USP34: variants seen among roughly 807,000 people sequenced by gnomAD.
USP34 encodes the protein ubiquitin carboxyl-terminal hydrolase 34.
USP34 carries 70 observed loss-of-function variants against 460.3 expected under a neutral mutation model. That is an observed-to-expected ratio of 0.15 (90% CI 0.13 to 0.19). The LOEUF (loss-of-function observed/expected upper bound fraction) is 0.19, where lower values mean the gene tolerates loss of function less well. Ranked by LOEUF, USP34 falls within the 10% of genes least tolerant of loss-of-function variation. USP34 has a pLI of 1.00. For missense variants in USP34, 3,985 were observed against 4,236.2 expected, an observed-to-expected ratio of 0.94 and a Z score of 1.65; for synonymous variants, 1,647 against 1,405.3, an observed-to-expected ratio of 1.17 and a Z score of -3.85.
rs1360276408 is a variant in USP34 at position 61,193,192 on chromosome 2, C to T, written c.9509-212G>A. 9.8e-6 allele frequency: 4 copies of T among 408,468 alleles called. No homozygotes were observed. In the South Asian group the frequency reaches 1.8e-4, roughly 18 times the overall value. 25.3% of individuals were successfully genotyped at this position (408,468 alleles called of 1,614,324 possible). ...ATTTATTTATATCCTATACCTCATT[C>T]CTGAAGGATATGGGACTTAAATCAA... On this transcript the variant is annotated intron_variant, in intron 75 of 79. Coordinates refer to ENST00000398571, the MANE Select transcript of USP34 (RefSeq NM_014709.4).
At chr2:61,335,837 T>A (rs1691399591) in intron 18 of USP34, among the ~76,000 whole-genome samples, 1 of 152,164 alleles carries the variant, frequency 6.6e-6, no homozygotes, top group Non-Finnish European at 1.5e-5. Context: ...GCACTAGTTG[T>A]TTGATTTATT....
At chr2:61,408,124 A>C (rs1693935261) in intron 2 of USP34, among the ~76,000 whole-genome samples, 1 of 152,158 alleles carries the variant, frequency 6.6e-6, no homozygotes, top group African/African-American at 2.4e-5. Flanking sequence ...CAAAAAAATA[A>C]AAAATAAATA....
In USP34 at chr2:61,220,591, C is replaced by T. The variant is rs2103807743; in HGVS notation, c.7900-134G>A. ...AATTAGAGATTAAAAAGGTTTCACC[C>T]TATTTTTTTCCCATTTTTAAAGCTA... On this transcript the variant is annotated intron_variant, in intron 66 of 79. Coordinates refer to ENST00000398571, the MANE Select transcript of USP34 (RefSeq NM_014709.4). 3.6e-6 allele frequency: 3 copies of T among 843,548 alleles called. No homozygotes were observed. The East Asian group carries it at 9.0e-5, about 25-fold the overall frequency. The allele number at this position is 843,548 out of a possible 1,614,324, so 52.3% of individuals were successfully genotyped here. A position where few individuals can be genotyped will look rare whatever the true frequency, so the allele number is the denominator to read the frequency against.
At chr2:61,365,309 A>ATGTG (rs34664941) in intron 10 of USP34, among the ~76,000 whole-genome samples, 19 of 147,950 alleles carry the variant, frequency 1.3e-4, no homozygotes, top group Middle Eastern at 3.4e-3. Context: ...TTATTTATAA[A>ATGTG]TGTGTGTGTG....
At chr2:61,429,755 T>C (rs1694613039) in intron 1 of USP34, among the ~76,000 whole-genome samples, 1 of 152,166 alleles carries the variant, frequency 6.6e-6, no homozygotes, top group Admixed American at 6.5e-5. Flanking sequence ...CAACCAGATG[T>C]AAGTAGTACA....
At chr2:61,407,941 C>A (rs1206599292) in intron 2 of USP34, among the ~76,000 whole-genome samples, 1 of 151,898 alleles carries the variant, frequency 6.6e-6, no homozygotes, top group African/African-American at 2.4e-5. Context: ...ATGGTGAAAC[C>A]CCATCTCTAC....
At chr2:61,325,961 T>C (rs559690101) in intron 20 of USP34, among the ~76,000 whole-genome samples, 2 of 152,308 alleles carry the variant, frequency 1.3e-5, no homozygotes, top group African/African-American at 4.8e-5. Context: ...TAAATAATTA[T>C]AATTCACATG....
At chr2:61,411,079 T>C (rs1041615350) in intron 2 of USP34, among the ~76,000 whole-genome samples, 2 of 152,054 alleles carry the variant, frequency 1.3e-5, no homozygotes, top group African/African-American at 2.4e-5. Context: ...GAACACCAGA[T>C]ACCAAAGAAG....
chr2:61,229,111 C>T, intron 59 of USP34, 116 bp from the exon 60 acceptor site: 1 of 735,936 alleles, frequency 1.4e-6, no homozygotes, highest in South Asian at 3.9e-5. Context: ...TGAATATGAA[C>T]CGCAATAACT....
intron 18 of USP34, among the ~76,000 whole-genome samples, chr2:61,338,744 T>C (rs1691501667): frequency 6.6e-6 from 1 of 152,018 alleles, no homozygotes; most frequent in African/African-American, 2.4e-5. Flanking sequence ...CAATGAGAAG[T>C]ACATAAATAT....
At chr2:61,330,881 A>T (rs1052789856) in intron 20 of USP34, among the ~76,000 whole-genome samples, 1 of 152,190 alleles carries the variant, frequency 6.6e-6, no homozygotes, top group Non-Finnish European at 1.5e-5. Flanking sequence ...CAATTATAAT[A>T]AAATGTTTTA....
In USP34 at chr2:61,214,141, T is replaced by G; in HGVS notation, c.8601A>C (p.Ala2867=). 1.9e-6 allele frequency: 3 copies of G among 1,614,256 alleles called. No individual in the cohort carries two copies. The highest frequency in any genetic ancestry group is 2.7e-5 in the African/African-American group (2 of 75,066). ...GGTGAGAAGCCAGTTGTCGTGTGAA[T>G]GCAGGAGACTGCTCACAGCAGAGCC... ...ILRLCCEQSP[A]FTRQLASHQN... is the part of the protein sequence containing the mutation. Residue 2867 remains alanine (A), a synonymous_variant, in exon 68 of 80, where the codon GCA becomes GCC. Transcript: ENST00000398571.
At chr2:61,288,935 T>C (rs1436805566) in intron 33 of USP34, 58 bp from the exon 34 acceptor site, 1 of 1,548,466 alleles carries the variant, frequency 6.5e-7, no homozygotes, top group Non-Finnish European at 8.8e-7. Flanking sequence ...ATGGCCACAA[T>C]ACAATTTTGA....
At chr2:61,415,259 AG>A (rs1159475391) in intron 2 of USP34, among the ~76,000 whole-genome samples, 1 of 152,166 alleles carries the variant, frequency 6.6e-6, no homozygotes, top group East Asian at 1.9e-4. Context: ...GGTTATGACC[AG>A]GGGTGGGGGG....
chr2:61,193,085 A>G (rs1319683906), intron 75 of USP34, 105 bp from the exon 76 acceptor site: 21 of 823,278 alleles, frequency 2.6e-5, no homozygotes, highest in East Asian at 5.5e-5. Flanking sequence ...TCATAACTGC[A>G]TATTTTCTAT....
chr2:61,253,122 T>C (rs1325700640), intron 48 of USP34, among the ~76,000 whole-genome samples: 1 of 152,190 alleles, frequency 6.6e-6, no homozygotes, highest in Non-Finnish European at 1.5e-5. Context: ...CTTTGTTCAC[T>C]TCCTCAATTG....
In USP34 at chr2:61,339,357, T is replaced by C; in HGVS notation, c.2738A>G (p.Asn913Ser). 6.2e-7 allele frequency: 1 copy of C among 1,607,758 alleles called. No homozygotes were observed. The highest frequency in any genetic ancestry group is 1.1e-5 in the South Asian group (1 of 89,216). Residue 913 changes from asparagine (N) to serine (S), a missense_variant, in exon 18 of 80, where the codon AAC becomes AGC. By Grantham distance (46) the Asn-to-Ser change is conservative (BLOSUM62 1). Transcript: ENST00000398571. Reference protein sequence around the residue: ...FIEGCLENLGNNRSVVISLRL... With the variant: ...FIEGCLENLGSNRSVVISLRL... ...TTTTTAAATTCCTCTTTACCTGTTG[T>C]TTCCCAAGTTTTCAAGGCAACCTTC...
At chr2:61,395,827 A>C (rs1693506011) in intron 3 of USP34, among the ~76,000 whole-genome samples, 1 of 147,108 alleles carries the variant, frequency 6.8e-6, no homozygotes, top group Non-Finnish European at 1.5e-5. Flanking sequence ...GCACTTTGGG[A>C]GGCCGAGGCG....
intron 57 of USP34, among the ~76,000 whole-genome samples, chr2:61,235,377 G>A (rs1259300958): frequency 6.8e-6 from 1 of 147,712 alleles, no homozygotes; most frequent in Non-Finnish European, 1.5e-5. Flanking sequence ...TCAGGCTGGA[G>A]TGCAGTGGCA....
Sources: gnomAD v4.1 joint callset for allele counts (sites outside exome capture counted in the v4.1 genomes callset) on GRCh38, gnomAD v4.1.1 for gene constraint, MANE v1.5 for transcripts, NCBI Gene and HGNC (gene_info 2026-07-23, HGNC 2026-07-21) for gene names.